FILIP1: variants seen among roughly 807,000 people sequenced by gnomAD.
FILIP1 encodes the protein filamin A interacting protein 1, also known as filamin-A-interacting protein 1.
Under a neutral mutation model 102.1 loss-of-function variants are expected in FILIP1, and 61 were observed. That is an observed-to-expected ratio of 0.60 (90% CI 0.49 to 0.74). FILIP1 has a LOEUF of 0.74. Ranked by LOEUF, FILIP1 falls within the 30% of genes least tolerant of loss-of-function variation. The probability of loss-of-function intolerance (pLI) is 0.00; values close to 1 mark genes in which losing one functional copy is unlikely to be tolerated. For synonymous variants in FILIP1, 491 were observed against 526.9 expected (o/e 0.93, Z 0.93); for missense variants, 1,314 against 1,441.2 (o/e 0.91, Z 1.43).
At chr6:75,414,668 C>T (rs1777189585) in intron 2 of FILIP1, 29 bp downstream of exon 2, 1 of 1,598,648 alleles carries the variant, frequency 6.3e-7, no homozygotes, top group South Asian at 1.1e-5. Context: ...ACCAAAGACA[C>T]AATAACAGTT....
At chr6:75,311,019 T>C (rs1303340149) in intron 5 of FILIP1, among the ~76,000 whole-genome samples, 1 of 152,212 alleles carries the variant, frequency 6.6e-6, no homozygotes, top group Non-Finnish European at 1.5e-5. Flanking sequence ...TTTCAATTTA[T>C]GCTGTAGAAC....
chr6:75,300,083 ACTCTGC>A (rs1772795566), intron 6 of FILIP1, among the ~76,000 whole-genome samples: 1 of 152,112 alleles, frequency 6.6e-6, no homozygotes, highest in Non-Finnish European at 1.5e-5. Context: ...TCATGTTTAT[ACTCTGC>A]CAAACACTGC....
chr6:75,397,706 T>A (rs1490522296), intron 2 of FILIP1, among the ~76,000 whole-genome samples: 3 of 152,046 alleles, frequency 2.0e-5, no homozygotes, highest in African/African-American at 7.2e-5. Flanking sequence ...TCTTCAAGGA[T>A]CACTCACTTT....
At chr6:75,407,448 C>G (rs545416361) in intron 2 of FILIP1, among the ~76,000 whole-genome samples, 48 of 151,986 alleles carry the variant, frequency 3.2e-4, no homozygotes, top group Admixed American at 5.2e-4. Context: ...GGATGGTCTC[C>G]ATCTCCTGAC....
chr6:75,447,488 AG>A (rs1276589920), intron 1 of FILIP1, among the ~76,000 whole-genome samples: 5 of 152,166 alleles, frequency 3.3e-5, no homozygotes, highest in African/African-American at 7.2e-5. Context: ...TGAAGAGAAG[AG>A]GAGAACAATG....
rs753433888 is a variant in FILIP1, at chr6:75,313,997, CTTG to C, written c.1832_1834del (p.Thr611del). On this transcript the variant is annotated inframe_deletion, in exon 5 of 6. Transcript: ENST00000237172. The surrounding 1 kb of genome is among the most constrained non-coding windows in gnomAD (Gnocchi z 4.2). ...CTCAGACCCTTTTCGTGACCTTCCT[CTTG>C]TTATTTCTCTTTCCACTTCCTCTAT... is the stretch of plus-strand genomic sequence containing the variant. The C allele has an allele frequency of 1.3e-6, 2 of 1,561,448 alleles. No individual in the cohort carries two copies. Among genetic ancestry groups the C allele is most frequent in the Admixed American group, 4.0e-5 (2 of 49,668 alleles).
At chr6:75,354,570 CA>C (rs57366739) in intron 3 of FILIP1, among the ~76,000 whole-genome samples, 55,037 of 97,660 alleles carry the variant, frequency 0.56, 11,239 homozygotes, top group South Asian at 0.63. Flanking sequence ...GACTCCATCT[CA>C]AAAAAAAAAA....
At chr6:75,312,262 T>C in intron 5 of FILIP1, 135 bp downstream of exon 5, 1 of 853,860 alleles carries the variant, frequency 1.2e-6, no homozygotes, top group Non-Finnish European at 1.8e-6. Flanking sequence ...TGGATGGTCC[T>C]CTGGGAAGCA....
At chr6:75,319,696 G>A (rs1285176680) in intron 4 of FILIP1, 2 of 336,514 alleles carry the variant, frequency 5.9e-6, no homozygotes. Flanking sequence ...CGGGCGTAGC[G>A]GCGGGCGCCT....
At chr6:75,454,019 T>C (rs760614684) in intron 1 of FILIP1, 21 of 456,588 alleles carry the variant, frequency 4.6e-5, no homozygotes, top group African/African-American at 3.8e-4. Context: ...CCATTTATTA[T>C]CTCACAGTTT....
intron 1 of FILIP1, among the ~76,000 whole-genome samples, chr6:75,450,684 G>A (rs991199775): frequency 5.3e-5 from 8 of 149,768 alleles, no homozygotes; most frequent in African/African-American, 9.8e-5. Flanking sequence ...GGCTGGGCAC[G>A]GTGGCTCATG....
In FILIP1 at chr6:75,490,637, T is replaced by TTGTGTG. The variant is rs59493141; in HGVS notation, c.-7+2771_-7+2776dup. On this transcript the variant is annotated intron_variant, in intron 1 of 5. Coordinates refer to ENST00000237172, the MANE Select transcript of FILIP1 (RefSeq NM_015687.5). ...AGAGGTCTAGGTAGATACACAGGAT[T>TTGTGTG]TGTGTGTGTGTGTGTGTGTGTGTGT... Among the ~76,000 whole-genome samples, 819 of 147,992 alleles carry TTGTGTG rather than the reference T, an allele frequency of 5.5e-3. 1 individual carries two copies. The highest frequency in any genetic ancestry group is 0.014 in the Middle Eastern group (4 of 290).
Position 75,308,738 on chromosome 6 carries a change from T to A in FILIP1, c.3595A>T (p.Lys1199Ter). The A allele has an allele frequency of 6.2e-7, 1 of 1,613,880 alleles. No individual in the cohort carries two copies. The highest frequency in any genetic ancestry group is 1.7e-4 in the Middle Eastern group (1 of 5,894). Reference sequence around the variant, plus strand: ...GAGGTGGTGCTGCTGGCTGCAGATTTCTTCAGCTCTATTTTCATAGACTGA... The same window carrying A: ...GAGGTGGTGCTGCTGGCTGCAGATTACTTCAGCTCTATTTTCATAGACTGA... ...ETQSMKIELKKSAASSTTSLG... is the reference protein window; with the variant it reads ...ETQSMKIELK Residue 1199 changes from lysine to a stop codon, truncating the protein, a stop_gained, in exon 6 of 6, where the codon AAA becomes TAA. Coordinates refer to ENST00000237172, the MANE Select transcript of FILIP1 (RefSeq NM_015687.5). LOFTEE classifies it high-confidence loss of function.
chr6:75,492,504 T>C (rs989336018), intron 1 of FILIP1, among the ~76,000 whole-genome samples: 2 of 152,146 alleles, frequency 1.3e-5, no homozygotes, highest in Admixed American at 6.6e-5. Flanking sequence ...CAGATGTCAA[T>C]ACTAACTATA....
chr6:75,470,521 G>T (rs1310126883), intron 1 of FILIP1, among the ~76,000 whole-genome samples: 2 of 152,068 alleles, frequency 1.3e-5, no homozygotes, highest in Admixed American at 1.3e-4. Context: ...GTAAAATGAG[G>T]AATAATCATA....
chr6:75,331,548 T>C (rs1774083010), intron 4 of FILIP1, among the ~76,000 whole-genome samples: 1 of 152,190 alleles, frequency 6.6e-6, no homozygotes, highest in Non-Finnish European at 1.5e-5. Flanking sequence ...ATAGGCTACT[T>C]GGGGACACCC....
intron 2 of FILIP1, among the ~76,000 whole-genome samples, chr6:75,370,569 C>CTTCTT (rs1775483483): frequency 1.3e-5 from 1 of 75,702 alleles, no homozygotes; most frequent in African/African-American, 5.8e-5. Context: ...GGAGTCTCTT[C>CTTCTT]TTTTTTTTTT....
rs1253806490 is a variant in FILIP1 at position 75,362,843 on chromosome 6, AGACCCGTAAT to A, written c.341_350del (p.His114LeufsTer23). On this transcript the variant is annotated frameshift_variant, in exon 3 of 6. Coordinates refer to ENST00000237172, the MANE Select transcript of FILIP1 (RefSeq NM_015687.5). LOFTEE classifies it high-confidence loss of function. ...CCCGCAGCACTTTCTCTGGCTCCGC[AGACCCGTAAT>A]GAGCCTCCAGAACCTCAGGCTTGGT... The A allele has an allele frequency of 1.2e-6, 2 of 1,613,934 alleles. No homozygotes were observed. The highest frequency in any genetic ancestry group is 2.7e-5 in the African/African-American group (2 of 74,894).
rs554772870 is a variant in FILIP1 at position 75,321,036 on chromosome 6, C to T, written c.630-5834G>A. ...GTTTGTCTTAGTTCTTCTTCCTCCTCCTCCTTCTCCTCCTCTTCCTCTTCT... is the reference window on the plus strand; with the variant it reads ...GTTTGTCTTAGTTCTTCTTCCTCCTTCTCCTTCTCCTCCTCTTCCTCTTCT... On this transcript the variant is annotated intron_variant, in intron 4 of 5. Transcript: ENST00000237172. Among the ~76,000 whole-genome samples the T allele has an allele frequency of 3.3e-5, 5 of 152,182 alleles. No individual in the cohort carries two copies. In the South Asian group the frequency reaches 1.0e-3, roughly 32 times the overall value.
Sources: gnomAD v4.1 joint callset for allele counts (sites outside exome capture counted in the v4.1 genomes callset) on GRCh38, gnomAD v4.1.1 for gene constraint, Gnocchi (gnomAD v3.1) non-coding constraint, MANE v1.5 for transcripts, NCBI Gene and HGNC (gene_info 2026-07-23, HGNC 2026-07-21) for gene names.